The following MYCT1 variants were observed in gnomAD, a reference collection of about 807,000 sequenced individuals.
MYCT1 encodes the protein MYC target 1.
In MYCT1, 12 loss-of-function variants were observed where a neutral mutation model predicts 15.0. The ratio of observed to expected loss-of-function variants is 0.80; its 90% CI spans 0.51 to 1.29. The LOEUF (loss-of-function observed/expected upper bound fraction) is 1.29, where lower values mean the gene tolerates loss of function less well. Ranked by LOEUF, MYCT1 falls within the 50% of genes most tolerant of loss-of-function variation. The probability of loss-of-function intolerance (pLI) is 0.00; values close to 1 mark genes in which losing one functional copy is unlikely to be tolerated. For missense variants in MYCT1, 287 were observed against 279.1 expected, an observed-to-expected ratio of 1.03 and a Z score of -0.20; for synonymous variants, 104 against 102.7, an observed-to-expected ratio of 1.01 and a Z score of -0.07.
At chr6:152,717,952 A>ATAT (rs1407011014) in intron 1 of MYCT1, among the ~76,000 whole-genome samples, 2 of 152,100 alleles carry the variant, frequency 1.3e-5, no homozygotes, top group Admixed American at 1.3e-4. Flanking sequence ...TTGTGTGTAT[A>ATAT]TATTATTATT....
chr6:152,744,235 A>G, the MYCT1 span, among the ~76,000 whole-genome samples: 5 of 152,330 alleles, frequency 3.3e-5, no homozygotes, highest in Admixed American at 2.6e-4. Flanking sequence ...TCAGAAATCA[A>G]TTGTTCACCA....
the MYCT1 span, among the ~76,000 whole-genome samples, chr6:152,739,384 C>T: frequency 1.3e-5 from 2 of 151,604 alleles, no homozygotes; most frequent in East Asian, 3.9e-4. Context: ...ACTTCCTTAG[C>T]ATAGTTTTCT....
At chr6:152,714,196 T>G (rs2099723221) in intron 1 of MYCT1, among the ~76,000 whole-genome samples, 1 of 151,910 alleles carries the variant, frequency 6.6e-6, no homozygotes, top group Admixed American at 6.6e-5. Context: ...TTTTCCCTCT[T>G]TCTCTTTCTC....
the MYCT1 span, among the ~76,000 whole-genome samples, chr6:152,731,277 A>C: frequency 6.6e-6 from 1 of 151,486 alleles, no homozygotes. Context: ...TATTACTTTA[A>C]ATTTTTTGTG....
the MYCT1 span, among the ~76,000 whole-genome samples, chr6:152,735,434 A>C: frequency 1.3e-5 from 2 of 150,358 alleles, no homozygotes; most frequent in Non-Finnish European, 2.9e-5. Context: ...TTTATTATTA[A>C]CTTAAGTAGT....
chr6:152,729,464 A>T (rs1319253749), downstream of MYCT1, among the ~76,000 whole-genome samples: 1 of 152,192 alleles, frequency 6.6e-6, no homozygotes, highest in Non-Finnish European at 1.5e-5. Context: ...AGTATGAAAA[A>T]TTTCAAAAGT....
chr6:152,704,962 T>C (rs568049112), intron 1 of MYCT1, among the ~76,000 whole-genome samples: 1 of 152,300 alleles, frequency 6.6e-6, no homozygotes, highest in Non-Finnish European at 1.5e-5. Context: ...TCCAAGCTCC[T>C]GCGCAACTGA....
the MYCT1 span, among the ~76,000 whole-genome samples, chr6:152,739,301 A>T: frequency 6.6e-6 from 1 of 151,822 alleles, no homozygotes; most frequent in Admixed American, 6.6e-5. Flanking sequence ...TCAATAGTAT[A>T]CCTTTTCACA....
the MYCT1 span, among the ~76,000 whole-genome samples, chr6:152,742,190 T>C: frequency 1.6e-4 from 25 of 152,190 alleles, no homozygotes; most frequent in African/African-American, 4.3e-4. Flanking sequence ...CTGGGGGAAA[T>C]ACGGGGTTAA....
the MYCT1 span, among the ~76,000 whole-genome samples, chr6:152,743,535 G>C: frequency 6.6e-6 from 1 of 152,196 alleles, no homozygotes; most frequent in Non-Finnish European, 1.5e-5. Flanking sequence ...TGAACTGCCT[G>C]TTAACATCAT....
At chr6:152,702,824 C>T (rs1216511868) in intron 1 of MYCT1, among the ~76,000 whole-genome samples, 1 of 152,106 alleles carries the variant, frequency 6.6e-6, no homozygotes. Flanking sequence ...TCTCAGTTAC[C>T]TAGAAAGTTT....
chr6:152,733,940 T>C, the MYCT1 span, among the ~76,000 whole-genome samples: 8 of 151,984 alleles, frequency 5.3e-5, no homozygotes, highest in Non-Finnish European at 7.4e-5. Flanking sequence ...CAGAAGACCT[T>C]ATCCCATCAC....
chr6:152,742,849 A>C, the MYCT1 span, among the ~76,000 whole-genome samples: 1 of 152,164 alleles, frequency 6.6e-6, no homozygotes, highest in African/African-American at 2.4e-5. Flanking sequence ...GGCAGAGGTC[A>C]TTGATATCTG....
At chr6:152,704,018 G>T (rs2099721816) in intron 1 of MYCT1, among the ~76,000 whole-genome samples, 1 of 132,414 alleles carries the variant, frequency 7.6e-6, no homozygotes, top group Non-Finnish European at 1.6e-5. Context: ...TTATTTTTGA[G>T]ACAGGGTCTC....
In MYCT1 at chr6:152,724,242, T is replaced by TC. The variant is rs1479276887; in HGVS notation, c.*1989_*1990insC. The TC allele has an allele frequency of 6.6e-6, 1 of 151,736 alleles. No homozygotes were observed. Among genetic ancestry groups the TC allele is most frequent in the Non-Finnish European group, 1.5e-5 (1 of 67,924 alleles). The allele number at this position is 151,736 out of a possible 1,614,324, so 9.4% of individuals were successfully genotyped here. A position where few individuals can be genotyped will look rare whatever the true frequency, so the allele number is the denominator to read the frequency against. Reference sequence around the variant, plus strand: ...CTTGGTATCAGGGCTACTTTTTTTTTTTTTTTTTTACTTGCATGTCATCCT... The same window carrying TC: ...CTTGGTATCAGGGCTACTTTTTTTTTCTTTTTTTTTACTTGCATGTCATCCT... On this transcript the variant is annotated 3_prime_UTR_variant, in exon 2 of 2. Coordinates refer to ENST00000367245, the MANE Select transcript of MYCT1 (RefSeq NM_025107.3).
Position 152,701,936 on chromosome 6 carries a change from G to T in MYCT1, c.196+3838G>T, listed in dbSNP as rs1290591370. On this transcript the variant is annotated intron_variant, in intron 1 of 1. Coordinates refer to ENST00000367245, the MANE Select transcript of MYCT1 (RefSeq NM_025107.3). ...GGTTGGGCTACATCAGGTGCCCTTG[G>T]CCTGGATGCAGTAACACTATGTCCC... is the stretch of plus-strand genomic sequence containing the variant. 2.0e-5 allele frequency among the ~76,000 whole-genome samples: 3 copies of T among 152,202 alleles called. No homozygotes were observed. In the East Asian group the frequency reaches 5.8e-4, roughly 29 times the overall value.
chr6:152,719,239 C>T (rs986719244), intron 1 of MYCT1, among the ~76,000 whole-genome samples: 3 of 152,168 alleles, frequency 2.0e-5, no homozygotes, highest in African/African-American at 7.2e-5. Context: ...ATTATTTAAC[C>T]ACCATTCTCT....
intron 1 of MYCT1, among the ~76,000 whole-genome samples, chr6:152,713,624 T>C (rs1442129823): frequency 1.3e-5 from 2 of 152,148 alleles, no homozygotes; most frequent in African/African-American, 4.8e-5. Flanking sequence ...TAAATCTCAC[T>C]TTAGTTTATT....
intron 1 of MYCT1, among the ~76,000 whole-genome samples, chr6:152,698,518 T>C (rs2099720796): frequency 6.6e-6 from 1 of 152,160 alleles, no homozygotes; most frequent in Non-Finnish European, 1.5e-5. Flanking sequence ...TATTTTATTT[T>C]ATGAAACTGA....
Sources: allele counts gnomAD v4.1 joint callset (sites outside exome capture counted in the v4.1 genomes callset), GRCh38; gene constraint gnomAD v4.1.1; transcripts MANE v1.5; gene names NCBI Gene and HGNC (gene_info 2026-07-23, HGNC 2026-07-21).